The following ADD3 variants were observed in gnomAD, a reference collection of about 807,000 sequenced individuals.
The protein encoded by ADD3 is gamma-adducin.
ADD3 carries 25 observed loss-of-function variants against 80.2 expected under a neutral mutation model. The observed-to-expected ratio is 0.31, with a 90% CI of 0.23 to 0.44. The LOEUF is 0.44. Ranked by LOEUF, ADD3 falls within the 20% of genes least tolerant of loss-of-function variation. The probability of loss-of-function intolerance (pLI) is 1.00; values close to 1 mark genes in which losing one functional copy is unlikely to be tolerated. For missense variants in ADD3, 829 were observed against 847.5 expected, an observed-to-expected ratio of 0.98 and a Z score of 0.27; for synonymous variants, 284 against 289.6, an observed-to-expected ratio of 0.98 and a Z score of 0.20.
At chr10:110,003,737 A>C (rs1851533950), upstream of ADD3, among the ~76,000 whole-genome samples, 1 of 152,118 alleles carries the variant, frequency 6.6e-6, no homozygotes, top group African/African-American at 2.4e-5. Flanking sequence ...TGCTTGATCT[A>C]CCCAGAGTTC....
intron 1 of ADD3, among the ~76,000 whole-genome samples, chr10:110,013,775 G>C (rs1346765133): frequency 1.3e-5 from 2 of 152,174 alleles, no homozygotes; most frequent in Non-Finnish European, 2.9e-5. Flanking sequence ...AATGAAAGAG[G>C]AGAGTGCTGA....
At chr10:110,064,300 A>G (rs778419904) in intron 1 of ADD3, among the ~76,000 whole-genome samples, 1 of 152,186 alleles carries the variant, frequency 6.6e-6, no homozygotes, top group Admixed American at 6.5e-5. Context: ...TGTGTCTCCA[A>G]CTTTTGCAGG....
At chr10:110,051,441 A>G (rs1311088229) in intron 1 of ADD3, among the ~76,000 whole-genome samples, 1 of 152,250 alleles carries the variant, frequency 6.6e-6, no homozygotes, top group Non-Finnish European at 1.5e-5. Flanking sequence ...AAATTTATAT[A>G]AATATTTGCA....
rs550806063 is a variant in ADD3 at position 110,081,647 on chromosome 10, A to C, written c.-29-18978A>C. Among the ~76,000 whole-genome samples the C allele has an allele frequency of 3.3e-5, 5 of 152,290 alleles. No individual in the cohort carries two copies. The East Asian group carries it at 9.6e-4, about 29-fold the overall frequency. ...GTGCTTGGACTAATTAATTGAGGCT[A>C]AATTTTTGTCTACTAAAACGTATCT... On this transcript the variant is annotated intron_variant, in intron 1 of 14. Transcript: ENST00000356080.
chr10:110,129,514 TGGAATAGGGAA>T (rs1310758372), intron 12 of ADD3, among the ~76,000 whole-genome samples: 1 of 152,160 alleles, frequency 6.6e-6, no homozygotes, highest in Non-Finnish European at 1.5e-5. Flanking sequence ...CTTGGCTCTG[TGGAATAGGGAA>T]GGGAACCTGG....
chr10:110,130,642 G>A (rs1852842990), intron 13 of ADD3, among the ~76,000 whole-genome samples, 156 bp downstream of exon 13: 1 of 152,122 alleles, frequency 6.6e-6, no homozygotes, highest in Non-Finnish European at 1.5e-5. Context: ...GATTGCTTGA[G>A]GTCAGGAGTT....
chr10:110,074,383 T>G (rs987350210), intron 1 of ADD3, among the ~76,000 whole-genome samples: 1 of 152,206 alleles, frequency 6.6e-6, no homozygotes, highest in Admixed American at 6.5e-5. Context: ...AGTAGACAGT[T>G]TGTCTTCTCT....
intron 1 of ADD3, among the ~76,000 whole-genome samples, chr10:110,009,150 A>G (rs1464739244): frequency 6.6e-6 from 1 of 151,392 alleles, no homozygotes; most frequent in Non-Finnish European, 1.5e-5. Flanking sequence ...TCCTTGGCAC[A>G]TGTGCTGTTG....
intron 11 of ADD3, 46 bp downstream of exon 11, chr10:110,125,991 T>C (rs767706272): frequency 1.3e-6 from 2 of 1,549,910 alleles, no homozygotes; most frequent in South Asian, 2.4e-5. Flanking sequence ...TTAATTGCTT[T>C]ATGTTTAAAT....
chr10:110,086,826 G>A (rs543089035), intron 1 of ADD3, among the ~76,000 whole-genome samples: 1 of 152,204 alleles, frequency 6.6e-6, no homozygotes, highest in South Asian at 2.1e-4. Flanking sequence ...GAACATCAGA[G>A]TGGGAACAAC....
At chr10:110,078,857 G>A (rs1275746987) in intron 1 of ADD3, among the ~76,000 whole-genome samples, 1 of 152,142 alleles carries the variant, frequency 6.6e-6, no homozygotes, top group East Asian at 1.9e-4. Context: ...TTATGCTGGA[G>A]CAAAGCTTGC....
intron 8 of ADD3, among the ~76,000 whole-genome samples, chr10:110,120,724 GCATCACACTACCTGACTT>G (rs1275284332): frequency 6.6e-6 from 1 of 152,106 alleles, no homozygotes; most frequent in Non-Finnish European, 1.5e-5. Context: ...AAAGCTGGAG[GCATCACACTACCTGACTT>G]CAAACTATAC....
chr10:110,041,906 G>A (rs952143140), intron 1 of ADD3, among the ~76,000 whole-genome samples: 6 of 152,108 alleles, frequency 3.9e-5, no homozygotes, highest in Non-Finnish European at 7.4e-5. Context: ...AACTAATGAA[G>A]GCCATGGATT....
chr10:110,037,909 A>G (rs1221930326), intron 1 of ADD3, among the ~76,000 whole-genome samples: 1 of 151,784 alleles, frequency 6.6e-6, no homozygotes, highest in African/African-American at 2.4e-5. Flanking sequence ...TCTACTAAAA[A>G]ATAGAAAATT....
intron 1 of ADD3, among the ~76,000 whole-genome samples, chr10:110,031,242 C>T (rs1854984277): frequency 6.6e-6 from 1 of 152,142 alleles, no homozygotes; most frequent in Non-Finnish European, 1.5e-5. Flanking sequence ...CATTGCACTC[C>T]AGCCTGGGCA....
In ADD3 at chr10:110,079,455, A is replaced by AGT. The variant is rs1319040873; in HGVS notation, c.-29-21169_-29-21168insTG. On this transcript the variant is annotated intron_variant, in intron 1 of 14. Coordinates refer to ENST00000356080, the MANE Select transcript of ADD3 (RefSeq NM_016824.5). ...GAGAGAGAGAGAGAGAGAGAGAGAG[A>AGT]GAGAGAGTGTGTGTGTGTGTGTGTG... 3.4e-3 allele frequency among the ~76,000 whole-genome samples: 431 copies of AGT among 125,494 alleles called. 1 individual carries two copies. The highest frequency in any genetic ancestry group is 0.014 in the African/African-American group (397 of 28,068). The allele number at this position is 125,494 out of a possible 152,430, so 82.3% of individuals were successfully genotyped here.
chr10:110,023,956 G>A (rs1853983882), intron 1 of ADD3, among the ~76,000 whole-genome samples: 1 of 152,144 alleles, frequency 6.6e-6, no homozygotes, highest in African/African-American at 2.4e-5. Context: ...TAAAGTGGGA[G>A]GTAAACATTG....
chr10:110,105,047 A>G (rs1849257449), intron 2 of ADD3, among the ~76,000 whole-genome samples: 3 of 152,202 alleles, frequency 2.0e-5, no homozygotes, highest in African/African-American at 7.2e-5. Flanking sequence ...ATCACAAGAC[A>G]TTTTGGTGTA....
chr10:110,121,071 A>G (rs1325468882), intron 8 of ADD3, among the ~76,000 whole-genome samples: 2 of 152,118 alleles, frequency 1.3e-5, no homozygotes, highest in Non-Finnish European at 2.9e-5. Flanking sequence ...AGGCATTACC[A>G]TTCAGGACAT....
Sources: allele counts gnomAD v4.1 joint callset (sites outside exome capture counted in the v4.1 genomes callset), GRCh38; gene constraint gnomAD v4.1.1; transcripts MANE v1.5; gene names NCBI Gene and HGNC (gene_info 2026-07-23, HGNC 2026-07-21).